The following CTNND2 variants were observed in gnomAD, a reference collection of about 807,000 sequenced individuals.
CTNND2 encodes the protein catenin delta-2.
CTNND2 carries 22 observed loss-of-function variants against 144.4 expected under a neutral mutation model. The ratio of observed to expected loss-of-function variants is 0.15; its 90% confidence interval spans 0.11 to 0.22. CTNND2 has a LOEUF of 0.22. Among genes scored for constraint, CTNND2 ranks in the 10% least tolerant of loss-of-function variants. The pLI is 1.00. For synonymous variants in CTNND2, 751 were observed against 695.6 expected, an observed-to-expected ratio of 1.08 and a Z score of -1.25; for missense variants, 1,353 against 1,618.8, an observed-to-expected ratio of 0.84 and a Z score of 2.82.
At chr5:11,591,443 C>G (rs748246680) in intron 2 of CTNND2, among the ~76,000 whole-genome samples, 2 of 152,154 alleles carry the variant, frequency 1.3e-5, no homozygotes, top group African/African-American at 4.8e-5. Context: ...ACATCTATTG[C>G]CTTTTTTTCT....
intron 2 of CTNND2, among the ~76,000 whole-genome samples, chr5:11,575,026 T>C (rs933940623): frequency 2.0e-5 from 3 of 152,202 alleles, no homozygotes; most frequent in South Asian, 2.1e-4. Context: ...ATGAATCACA[T>C]TACTTCATTT....
At chr5:11,789,656 ATATAGAC>A (rs1349164816) in intron 1 of CTNND2, among the ~76,000 whole-genome samples, 6 of 152,174 alleles carry the variant, frequency 3.9e-5, no homozygotes, top group African/African-American at 1.4e-4. Context: ...TTTTCTGGGT[ATATAGAC>A]TATAAAGTCT....
chr5:11,609,284 C>T (rs1025993533), intron 2 of CTNND2, among the ~76,000 whole-genome samples: 1 of 152,222 alleles, frequency 6.6e-6, no homozygotes. Flanking sequence ...GGTTTAAGAA[C>T]TATGCCTTCC....
At chr5:11,546,820 A>C (rs1285753093) in intron 3 of CTNND2, among the ~76,000 whole-genome samples, 1 of 152,204 alleles carries the variant, frequency 6.6e-6, no homozygotes, top group Non-Finnish European at 1.5e-5. Context: ...CAGACTACAC[A>C]TATGTGAAAA....
intron 1 of CTNND2, among the ~76,000 whole-genome samples, chr5:11,856,781 T>G (rs554734380): frequency 6.6e-6 from 1 of 152,332 alleles, no homozygotes; most frequent in Middle Eastern, 3.4e-3. Flanking sequence ...TCTATAATAT[T>G]TTTAAAATAT....
intron 10 of CTNND2, among the ~76,000 whole-genome samples, chr5:11,205,727 T>C (rs1355661510): frequency 6.6e-6 from 1 of 152,232 alleles, no homozygotes; most frequent in African/African-American, 2.4e-5. Flanking sequence ...ATAAAGGTCA[T>C]AATTTTTTAG....
At chr5:11,743,470 T>C (rs1452214822) in intron 1 of CTNND2, among the ~76,000 whole-genome samples, 1 of 152,138 alleles carries the variant, frequency 6.6e-6, no homozygotes, top group Non-Finnish European at 1.5e-5. Context: ...GAATCGTCGA[T>C]CAAGTAGGCT....
intron 9 of CTNND2, among the ~76,000 whole-genome samples, chr5:11,282,600 T>C (rs1409544761): frequency 3.3e-5 from 5 of 152,154 alleles, no homozygotes; most frequent in African/African-American, 9.7e-5. Context: ...AACGACTGTT[T>C]TGTCTTCCTG....
chr5:11,693,656 A>C lies in CTNND2; in HGVS notation c.174+38480T>G, dbSNP rs558591832. ...TTTTGATCACTGGTGTATGCCTGTC[A>C]TACAGAAATGCTCCATAAATATTTG... On this transcript the variant is annotated intron_variant, in intron 2 of 21. Transcript: ENST00000304623. Among the ~76,000 whole-genome samples the C allele has an allele frequency of 2.6e-5, 4 of 152,360 alleles. No individual in the cohort carries two copies. The South Asian group carries it at 8.3e-4, about 32-fold the overall frequency.
At chr5:11,554,729 A>G (rs1776064019) in intron 3 of CTNND2, among the ~76,000 whole-genome samples, 1 of 152,078 alleles carries the variant, frequency 6.6e-6, no homozygotes, top group Non-Finnish European at 1.5e-5. Flanking sequence ...AAAGTATGAG[A>G]CTAAATCAAC....
chr5:11,635,824 C>T (rs767926016), intron 2 of CTNND2, among the ~76,000 whole-genome samples: 1 of 152,052 alleles, frequency 6.6e-6, no homozygotes, highest in Non-Finnish European at 1.5e-5. Context: ...GAAACCTTTA[C>T]GGGTTCTACT....
At chr5:11,739,293 G>C (rs1470338139) in intron 1 of CTNND2, among the ~76,000 whole-genome samples, 1 of 152,166 alleles carries the variant, frequency 6.6e-6, no homozygotes, top group Non-Finnish European at 1.5e-5. Context: ...GGCAGAACTG[G>C]TGGGCCTCCT....
chr5:11,075,565 G>A (rs1327251546), intron 16 of CTNND2, among the ~76,000 whole-genome samples: 1 of 152,216 alleles, frequency 6.6e-6, no homozygotes, highest in Non-Finnish European at 1.5e-5. Flanking sequence ...GCCTCAGGAG[G>A]GTGCAGGGAG....
At chr5:11,496,239 T>C (rs1014016457) in intron 3 of CTNND2, among the ~76,000 whole-genome samples, 2 of 152,208 alleles carry the variant, frequency 1.3e-5, no homozygotes, top group Non-Finnish European at 2.9e-5. Flanking sequence ...ATTGAAAGCC[T>C]GTGTCTTGAC....
intron 1 of CTNND2, among the ~76,000 whole-genome samples, chr5:11,888,454 C>T (rs1736717217): frequency 1.3e-5 from 2 of 152,078 alleles, no homozygotes; most frequent in African/African-American, 4.8e-5. Context: ...TCAATGGTTT[C>T]CCCCATGACC....
intron 3 of CTNND2, among the ~76,000 whole-genome samples, chr5:11,551,372 T>A (rs1201011419): frequency 1.3e-5 from 2 of 152,110 alleles, no homozygotes; most frequent in African/African-American, 4.8e-5. Flanking sequence ...TACTGGTTTT[T>A]TTTTTCACAG....
intron 9 of CTNND2, among the ~76,000 whole-genome samples, chr5:11,263,953 C>T (rs1745179037): frequency 6.6e-6 from 1 of 152,190 alleles, no homozygotes; most frequent in African/African-American, 2.4e-5. Flanking sequence ...TCTTTCCATG[C>T]ATTTGAAATC....
intron 2 of CTNND2, among the ~76,000 whole-genome samples, chr5:11,581,347 T>G (rs1778416968): frequency 6.6e-6 from 1 of 152,252 alleles, no homozygotes; most frequent in Non-Finnish European, 1.5e-5. Flanking sequence ...CTGTGTAACC[T>G]GCAAATTCTA....
At chr5:11,538,093 C>T (rs1049697188) in intron 3 of CTNND2, among the ~76,000 whole-genome samples, 3 of 152,196 alleles carry the variant, frequency 2.0e-5, no homozygotes, top group African/African-American at 7.2e-5. Context: ...CTTACTATCC[C>T]TTACTATTAT....
Sources: allele counts gnomAD v4.1 joint callset (sites outside exome capture counted in the v4.1 genomes callset), GRCh38; gene constraint gnomAD v4.1.1; transcripts MANE v1.5; gene names NCBI Gene and HGNC (gene_info 2026-07-23, HGNC 2026-07-21).